The following DDX49 variants were observed in gnomAD, a reference collection of about 807,000 sequenced individuals.
DDX49 encodes the protein DEAD-box helicase 49, also known as probable ATP-dependent RNA helicase DDX49.
Under a neutral mutation model 56.3 loss-of-function variants are expected in DDX49, and 50 were observed. The ratio of observed to expected loss-of-function variants is 0.89; its 90% confidence interval spans 0.71 to 1.12. The LOEUF is 1.12. Ranked by LOEUF, DDX49 falls within the 50% of genes most tolerant of loss-of-function variation. The pLI is 0.00. For synonymous variants in DDX49, 269 were observed against 270.6 expected (o/e 0.99, Z 0.06); for missense variants, 614 against 650.5 (o/e 0.94, Z 0.61).
At chr19:18,924,556 G>A (rs1213603960) in intron 7 of DDX49, 67 bp from the exon 8 acceptor site, 1 of 1,560,530 alleles carries the variant, frequency 6.4e-7, no homozygotes, top group Non-Finnish European at 8.8e-7. Flanking sequence ...CCTCCACCCT[G>A]TCCCGAGGCC....
intron 6 of DDX49, 138 bp from the exon 7 acceptor site, chr19:18,924,095 A>C (rs1601252407): frequency 1.2e-6 from 1 of 803,650 alleles, no homozygotes; most frequent in Non-Finnish European, 2.1e-6. Context: ...GGCATGAGCC[A>C]CCGTGCCTGG....
chr19:18,921,897 C>A lies in DDX49; in HGVS notation c.380C>A (p.Thr127Lys). ...LSRKPHVVIA[T>K]PGRLADHLRS... ...CGGAAACCACACGTGGTCATCGCCA[C>A]GCCGGGGCGCCTGGCAGATCACCTG... Residue 127 changes from threonine (T) to lysine (K), a missense_variant, in exon 4 of 13, where the codon ACG (threonine) becomes AAG (lysine). Physicochemically the swap from Thr to Lys is moderately conservative, Grantham distance 78. Coordinates refer to ENST00000247003, the MANE Select transcript of DDX49 (RefSeq NM_019070.5). 1 of 1,613,940 alleles carries A rather than the reference C, an allele frequency of 6.2e-7. No individual in the cohort carries two copies. Among genetic ancestry groups the A allele is most frequent in the Non-Finnish European group, 8.5e-7 (1 of 1,180,014 alleles).
intron 2 of DDX49, chr19:18,921,003 A>G (rs1452364246): frequency 5.2e-6 from 1 of 191,354 alleles, no homozygotes; most frequent in East Asian, 1.4e-4. Context: ...TTAGCTGGGC[A>G]TGGTAGCGCA....
At chr19:18,922,868 G>C in intron 6 of DDX49, 124 bp downstream of exon 6, 1 of 1,296,212 alleles carries the variant, frequency 7.7e-7, no homozygotes, top group Non-Finnish European at 1.1e-6. Context: ...GGAGGTCATG[G>C]GGGCTTCCCT....
At chr19:18,922,291 C>T (rs554315184) in intron 4 of DDX49, 35 bp from the exon 5 acceptor site, 26 of 1,595,080 alleles carry the variant, frequency 1.6e-5, no homozygotes, top group African/African-American at 6.7e-5. Flanking sequence ...GGGCCATGGA[C>T]GGCACCCTCA....
chr19:18,924,763 G>C, intron 8 of DDX49, 64 bp downstream of exon 8: 1 of 1,613,488 alleles, frequency 6.2e-7, no homozygotes, highest in South Asian at 1.1e-5. Flanking sequence ...CCACAGATGA[G>C]AAGGCTGGCC....
chr19:18,923,609 C>CTG (rs1568329610), intron 6 of DDX49, among the ~76,000 whole-genome samples: 1 of 152,124 alleles, frequency 6.6e-6, no homozygotes, highest in Admixed American at 6.6e-5. Flanking sequence ...TCCTTTCTCC[C>CTG]TGTGCCCCTC....
rs2056931142 is a variant in DDX49 at position 18,922,891 on chromosome 19, G to C, written c.776+147G>C. 7 of 1,097,022 alleles carry C rather than the reference G, an allele frequency of 6.4e-6. No homozygotes were observed. The East Asian group carries it at 1.7e-4, about 27-fold the overall frequency. The allele number at this position is 1,097,022 out of a possible 1,614,324, so 68.0% of individuals were successfully genotyped here. ...TGGGGGCTTCCCTCAAGGAGCCAAG[G>C]TCCCTCAATCTGAAGGTGCAGCCGG... On this transcript the variant is annotated intron_variant, in intron 6 of 12. Transcript: ENST00000247003.
At chr19:18,928,057 T>A in intron 12 of DDX49, 21 bp downstream of exon 12, 3 of 1,612,270 alleles carry the variant, frequency 1.9e-6, no homozygotes, top group African/African-American at 1.3e-5. Context: ...AGCCCGCAGG[T>A]AGGGGGTGGG....
At chr19:18,925,581 TAAATA>T (rs976965316) in intron 9 of DDX49, among the ~76,000 whole-genome samples, 1 of 152,112 alleles carries the variant, frequency 6.6e-6, no homozygotes, top group African/African-American at 2.4e-5. Flanking sequence ...CTAAAATAAG[TAAATA>T]AAATAAAATT....
At chr19:18,924,807 G>A (rs769904134) in intron 8 of DDX49, 75 bp from the exon 9 acceptor site, 1 of 1,612,412 alleles carries the variant, frequency 6.2e-7, no homozygotes, top group Non-Finnish European at 8.5e-7. Context: ...CATCCCTGCT[G>A]AGTGACCCTG....
At chr19:18,926,204 T>C (rs557058842) in intron 9 of DDX49, 99 bp from the exon 10 acceptor site, 152 of 1,278,654 alleles carry the variant, frequency 1.2e-4, no homozygotes, top group Non-Finnish European at 1.6e-4. Flanking sequence ...TTGTTCAGCA[T>C]CTCCAGGACC....
At chr19:18,920,789 C>G (rs1180328941) in intron 2 of DDX49, 86 bp downstream of exon 2, 1 of 1,390,606 alleles carries the variant, frequency 7.2e-7, no homozygotes, top group East Asian at 2.4e-5. Context: ...GCGCCCTTTT[C>G]CCACGTGTGA....
intron 6 of DDX49, 60 bp from the exon 7 acceptor site, chr19:18,924,173 A>G: frequency 6.4e-7 from 1 of 1,563,902 alleles, no homozygotes; most frequent in Non-Finnish European, 8.8e-7. Flanking sequence ...GGGTGGGGGC[A>G]GGAACACCTT....
At chr19:18,920,531 C>T (rs375276251) in intron 1 of DDX49, 49 bp from the exon 2 acceptor site, 13 of 1,549,344 alleles carry the variant, frequency 8.4e-6, no homozygotes, top group Non-Finnish European at 1.1e-5. Flanking sequence ...CTCTGAAACC[C>T]AGCTGTCCAC....
chr19:18,922,571 CTG>C, intron 5 of DDX49, 31 bp from the exon 6 acceptor site: 1 of 1,601,618 alleles, frequency 6.2e-7, no homozygotes, highest in Non-Finnish European at 8.5e-7. Context: ...GACAGGGACA[CTG>C]AGGCGTGGCG....
intron 7 of DDX49, 78 bp from the exon 8 acceptor site, chr19:18,924,545 G>T (rs2301659): frequency 0.44 from 652,351 of 1,498,574 alleles, 148,948 homozygotes; most frequent in Middle Eastern, 0.56. Flanking sequence ...GACTGTCCCG[G>T]CCTCCACCCT....
At chr19:18,925,311 T>G in intron 9 of DDX49, 1 of 210,240 alleles carries the variant, frequency 4.8e-6, no homozygotes, top group Non-Finnish European at 9.6e-6. Flanking sequence ...ATCTTAGCAC[T>G]TTGGGAGGCC....
chr19:18,927,451 A>T lies in DDX49; in HGVS notation c.1103-315A>T, dbSNP rs549056806. Among the ~76,000 whole-genome samples the T allele has an allele frequency of 3.3e-5, 5 of 152,034 alleles. No individual in the cohort carries two copies. The East Asian group carries it at 9.8e-4, about 30-fold the overall frequency. On this transcript the variant is annotated intron_variant, in intron 10 of 12. Coordinates refer to ENST00000247003, the MANE Select transcript of DDX49 (RefSeq NM_019070.5). ...ATTAATATTCATGGTTAAACTCATA[A>T]TGCTGCTAACACCGAAAAAAAATGG...
Sources: gnomAD v4.1 joint callset for allele counts (sites outside exome capture counted in the v4.1 genomes callset) on GRCh38, gnomAD v4.1.1 for gene constraint, MANE v1.5 for transcripts, NCBI Gene and HGNC (gene_info 2026-07-23, HGNC 2026-07-21) for gene names.